Variants in FILIP1L observed in about 807,000 individuals in gnomAD.
The protein encoded by FILIP1L is filamin A-interacting protein 1-like.
A neutral mutation model predicts 96.6 loss-of-function variants in FILIP1L; 55 were observed. The ratio of observed to expected loss-of-function variants is 0.57; its 90% CI spans 0.46 to 0.71. FILIP1L has a LOEUF of 0.71. Ranked by LOEUF, FILIP1L falls within the 30% of genes least tolerant of loss-of-function variation. FILIP1L has a pLI of 0.00. For synonymous variants in FILIP1L, 467 were observed against 473.9 expected (o/e 0.99, Z 0.19); for missense variants, 1,304 against 1,321.2 (o/e 0.99, Z 0.20).
intron 3 of FILIP1L, among the ~76,000 whole-genome samples, chr3:99,928,945 G>A (rs1283982095): frequency 6.6e-6 from 1 of 152,194 alleles, no homozygotes; most frequent in Non-Finnish European, 1.5e-5. Flanking sequence ...TATTTGGCAA[G>A]ACAGTAGTCT....
intron 4 of FILIP1L, among the ~76,000 whole-genome samples, chr3:99,911,553 A>G (rs1445135219): frequency 6.6e-6 from 1 of 151,946 alleles, no homozygotes; most frequent in African/African-American, 2.4e-5. Flanking sequence ...TGGCTCTAAA[A>G]TACTCATCCT....
intron 4 of FILIP1L, among the ~76,000 whole-genome samples, chr3:99,917,450 A>C (rs1706988958): frequency 6.6e-6 from 1 of 152,208 alleles, no homozygotes; most frequent in Admixed American, 6.5e-5. Flanking sequence ...ATATATTGTC[A>C]GGAGAGCTGG....
At chr3:99,889,857 G>C (rs970876730) in intron 4 of FILIP1L, among the ~76,000 whole-genome samples, 2 of 151,810 alleles carry the variant, frequency 1.3e-5, no homozygotes, top group Non-Finnish European at 2.9e-5. Context: ...TACCCTCCCA[G>C]TTTTTATATT....
chr3:99,872,257 T>G (rs188162425), intron 4 of FILIP1L, among the ~76,000 whole-genome samples: 1 of 139,848 alleles, frequency 7.2e-6, no homozygotes, highest in Non-Finnish European at 1.6e-5. Context: ...CTGTGGATAT[T>G]CTGTGCCAGG....
Position 99,929,888 on chromosome 3 carries a change from G to A in FILIP1L, c.394C>T (p.Gln132Ter). ...ATTGGTTTCTCATAGATGTCCTCCT[G>A]CCAAGGGGTAGATTTCGCTTGAAAA... is the stretch of plus-strand genomic sequence containing the variant. ...DAFQAKSTPW[Q>*]EDIYEKPMNE... is the part of the protein sequence containing the mutation. The change falls in exon 3 of 6, where the codon CAG becomes TAG. Residue 132 changes from glutamine (Q) to a stop codon, truncating the protein, a stop_gained. Transcript: ENST00000477258. LOFTEE classifies it high-confidence loss of function. 6.2e-7 allele frequency: 1 copy of A among 1,613,638 alleles called. No individual in the cohort carries two copies. Among genetic ancestry groups the A allele is most frequent in the African/African-American group, 1.3e-5 (1 of 74,972 alleles).
chr3:99,849,034 T>G lies in FILIP1L; in HGVS notation c.2642A>C (p.Lys881Thr). ...GHLQNGKMQT[K>T]PNANFVQPGD... Reference sequence around the variant, plus strand: ...AGGTTGCACAAAGTTGGCATTGGGTTTAGTTTGCATTTTTCCATTCTGAAG... The same window carrying G: ...AGGTTGCACAAAGTTGGCATTGGGTGTAGTTTGCATTTTTCCATTCTGAAG... The change falls in exon 5 of 6, where the codon AAA (lysine) becomes ACA (threonine). Residue 881 changes from lysine to threonine, a missense_variant. Lys to Thr is a moderately conservative substitution (Grantham distance 78). Transcript: ENST00000477258. 6.2e-7 allele frequency: 1 copy of G among 1,614,078 alleles called. No individual in the cohort carries two copies. Among genetic ancestry groups the G allele is most frequent in the Non-Finnish European group, 8.5e-7 (1 of 1,179,998 alleles).
rs1326472403 is a variant in FILIP1L, at chr3:99,977,898, A to G, written c.-10-46868T>C. 3.3e-5 allele frequency among the ~76,000 whole-genome samples: 5 copies of G among 152,296 alleles called. No individual in the cohort carries two copies. In the East Asian group the frequency reaches 5.8e-4, roughly 18 times the overall value. ...CCAGTTCAAAGCACATAATATGCAT[A>G]TATACACCATTAACCTAAAAGAAAA... On this transcript the variant is annotated intron_variant, in intron 1 of 5. Transcript: ENST00000477258.
chr3:99,941,792 A>T (rs1240967905), intron 1 of FILIP1L, among the ~76,000 whole-genome samples: 3 of 152,206 alleles, frequency 2.0e-5, no homozygotes, highest in Non-Finnish European at 2.9e-5. Context: ...GAAAAAATAT[A>T]TTGATTTATC....
rs573664783 is a variant in FILIP1L at position 99,903,275 on chromosome 3, G to A, written c.605+20955C>T. 9.4e-3 allele frequency among the ~76,000 whole-genome samples: 1,407 copies of A among 150,208 alleles called. 25 individuals carry two copies. Among genetic ancestry groups the A allele is most frequent in the Admixed American group, 0.044 (671 of 15,118 alleles). On this transcript the variant is annotated intron_variant, in intron 4 of 5. Transcript: ENST00000477258. ...ATATGCATGTTTTTTTTTTTGAGAC[G>A]GAATCTCGCTCTGTCACCCAGGCTG...
chr3:99,907,103 T>G (rs1273948385), intron 4 of FILIP1L, among the ~76,000 whole-genome samples: 2 of 152,210 alleles, frequency 1.3e-5, no homozygotes, highest in East Asian at 3.8e-4. Flanking sequence ...CTTCAACAAA[T>G]ACACAGAGTT....
intron 1 of FILIP1L, among the ~76,000 whole-genome samples, chr3:99,998,632 G>T (rs534507012): frequency 6.6e-6 from 1 of 152,048 alleles, no homozygotes; most frequent in Non-Finnish European, 1.5e-5. Context: ...GTGCGATCTC[G>T]GCTCACTGCA....
intron 4 of FILIP1L, among the ~76,000 whole-genome samples, chr3:99,859,248 G>A (rs1576520815): frequency 6.6e-6 from 1 of 152,254 alleles, no homozygotes; most frequent in African/African-American, 2.4e-5. Context: ...CTATGTGCAA[G>A]GCACTGTACT....
chr3:99,949,515 G>T (rs1316306346), intron 1 of FILIP1L, among the ~76,000 whole-genome samples: 2 of 152,106 alleles, frequency 1.3e-5, no homozygotes, highest in African/African-American at 2.4e-5. Flanking sequence ...AATTTTACTC[G>T]CAGTACGTTT....
At chr3:99,906,144 A>G (rs1706608911) in intron 4 of FILIP1L, among the ~76,000 whole-genome samples, 1 of 152,304 alleles carries the variant, frequency 6.6e-6, no homozygotes, top group African/African-American at 2.4e-5. Context: ...CAGTGAGCGG[A>G]GATCGCACCA....
At chr3:100,045,264 C>G (rs891778497) in intron 1 of FILIP1L, among the ~76,000 whole-genome samples, 5 of 152,194 alleles carry the variant, frequency 3.3e-5, no homozygotes. Context: ...GCGTACAGCA[C>G]ATAGCACAGT....
intron 1 of FILIP1L, among the ~76,000 whole-genome samples, chr3:100,053,005 C>T (rs1307254423): frequency 1.3e-5 from 2 of 152,070 alleles, no homozygotes; most frequent in South Asian, 2.1e-4. Context: ...TGGAGTTGTT[C>T]GCCTGCTCTC....
chr3:99,832,984 A>C (rs1942746847), intron 5 of FILIP1L, among the ~76,000 whole-genome samples: 1 of 152,018 alleles, frequency 6.6e-6, no homozygotes, highest in Non-Finnish European at 1.5e-5. Context: ...AGCTCCAAGA[A>C]AGTTTTGTCC....
At chr3:99,901,727 A>G (rs1315068007) in intron 4 of FILIP1L, among the ~76,000 whole-genome samples, 3 of 152,186 alleles carry the variant, frequency 2.0e-5, no homozygotes, top group Non-Finnish European at 4.4e-5. Context: ...TTAACTCTGG[A>G]CGGGATGTAA....
chr3:99,925,359 G>C (rs1272319513), intron 3 of FILIP1L, among the ~76,000 whole-genome samples: 2 of 152,132 alleles, frequency 1.3e-5, no homozygotes, highest in Admixed American at 1.3e-4. Flanking sequence ...TCCCCTGCTA[G>C]ACTGTGAACT....
Sources: gnomAD v4.1 joint callset for allele counts (sites outside exome capture counted in the v4.1 genomes callset) on GRCh38, gnomAD v4.1.1 for gene constraint, MANE v1.5 for transcripts, NCBI Gene and HGNC (gene_info 2026-07-23, HGNC 2026-07-21) for gene names.